Variants in CDK6 observed in about 807,000 individuals in gnomAD.
The protein encoded by CDK6 is cyclin dependent kinase 6.
Under a neutral mutation model 37.1 loss-of-function variants are expected in CDK6, and 6 were observed. The observed-to-expected ratio is 0.16, with a 90% CI of 0.09 to 0.32. CDK6 has a LOEUF of 0.32. CDK6 is among the 10% of genes least tolerant of loss of function. The pLI is 1.00. For synonymous variants in CDK6, 160 were observed against 161.3 expected (o/e 0.99, Z 0.06); for missense variants, 224 against 418.9 (o/e 0.53, Z 4.06).
rs1434250686 is a variant in CDK6, at chr7:92,834,891, G to A, written c.-367-1201C>T. 4 of 152,246 alleles carry A rather than the reference G, an allele frequency of 2.6e-5. No individual in the cohort carries two copies. Among genetic ancestry groups the A allele is most frequent in the African/African-American group, 9.7e-5 (4 of 41,416 alleles). The allele number at this position is 152,246 out of a possible 1,614,324, so 9.4% of individuals were successfully genotyped here. ...CTGCACAACAAAGCGCCAGAGTAGG[G>A]TACCCTAACTTTCCCTCCCCATTCA... On this transcript the variant is annotated intron_variant, in intron 1 of 7. Transcript: ENST00000424848. This position sits in a 1 kb window ranked among gnomAD's most constrained non-coding sequence, Gnocchi z 4.6.
intron 4 of CDK6, among the ~76,000 whole-genome samples, chr7:92,690,112 A>G (rs1213599612): frequency 6.6e-6 from 1 of 152,086 alleles, no homozygotes; most frequent in African/African-American, 2.4e-5. Context: ...TGCTGTGCAG[A>G]AGCTCTTTAG....
At chr7:92,813,597 A>C (rs1800944974) in intron 2 of CDK6, among the ~76,000 whole-genome samples, 1 of 152,232 alleles carries the variant, frequency 6.6e-6, no homozygotes, top group Admixed American at 6.5e-5. Flanking sequence ...TAGCGATAGA[A>C]TTGTGTCCTT....
intron 4 of CDK6, among the ~76,000 whole-genome samples, chr7:92,696,831 T>C (rs1317857520): frequency 6.6e-6 from 1 of 152,188 alleles, no homozygotes. Context: ...ACATTTCCTG[T>C]CTTCAAGAGG....
intron 4 of CDK6, among the ~76,000 whole-genome samples, chr7:92,722,956 G>A (rs113259143): frequency 0.029 from 4,465 of 152,230 alleles, 198 homozygotes; most frequent in African/African-American, 0.099. Context: ...AGGCTGAGGA[G>A]GACGGATTAC....
intron 3 of CDK6, among the ~76,000 whole-genome samples, chr7:92,758,431 G>A (rs1799369281): frequency 6.6e-6 from 1 of 152,066 alleles, no homozygotes; most frequent in Non-Finnish European, 1.5e-5. Context: ...TTGTGGAAGG[G>A]CAGATGGTCA....
intron 3 of CDK6, among the ~76,000 whole-genome samples, chr7:92,738,022 G>T (rs978595597): frequency 6.6e-6 from 1 of 152,114 alleles, no homozygotes; most frequent in Non-Finnish European, 1.5e-5. Flanking sequence ...CTGCTTATGG[G>T]GACTCCATAG....
chr7:92,648,451 G>C (rs1387378983), intron 5 of CDK6, among the ~76,000 whole-genome samples: 2 of 152,200 alleles, frequency 1.3e-5, no homozygotes, highest in Non-Finnish European at 2.9e-5. Context: ...ATCAACAAAA[G>C]TAAACTTGGT....
chr7:92,649,407 G>A (rs1796523338), intron 5 of CDK6, among the ~76,000 whole-genome samples: 1 of 152,198 alleles, frequency 6.6e-6, no homozygotes, highest in Non-Finnish European at 1.5e-5. Context: ...GTGACTGGAT[G>A]TCCTGGTTTG....
At chr7:92,798,923 C>T (rs1800490670) in intron 2 of CDK6, among the ~76,000 whole-genome samples, 1 of 152,210 alleles carries the variant, frequency 6.6e-6, no homozygotes, top group Non-Finnish European at 1.5e-5. Context: ...AAGTGTCCTC[C>T]TCTTCAAGAC....
intron 4 of CDK6, among the ~76,000 whole-genome samples, chr7:92,684,008 G>T (rs1797393769): frequency 6.6e-6 from 1 of 152,202 alleles, no homozygotes; most frequent in Non-Finnish European, 1.5e-5. Flanking sequence ...GTGTAAATAA[G>T]TAGGGGGCTA....
At chr7:92,731,008 G>A (rs963010147) in intron 3 of CDK6, among the ~76,000 whole-genome samples, 1 of 152,144 alleles carries the variant, frequency 6.6e-6, no homozygotes, top group South Asian at 2.1e-4. Flanking sequence ...TAACAGCATC[G>A]TGTTAAGGTC....
intron 4 of CDK6, among the ~76,000 whole-genome samples, chr7:92,692,003 C>T (rs1041462956): frequency 1.3e-5 from 2 of 152,198 alleles, no homozygotes; most frequent in Admixed American, 6.5e-5. Flanking sequence ...CGCGGTGGCT[C>T]ACGCTGGTAA....
chr7:92,650,194 T>G (rs1009237690), intron 5 of CDK6, among the ~76,000 whole-genome samples: 1 of 152,200 alleles, frequency 6.6e-6, no homozygotes, highest in Non-Finnish European at 1.5e-5. Flanking sequence ...AATATTTTTC[T>G]TACCAAAAAT....
intron 4 of CDK6, among the ~76,000 whole-genome samples, chr7:92,677,720 A>C (rs1167537092): frequency 1.3e-5 from 2 of 152,236 alleles, no homozygotes; most frequent in Non-Finnish European, 1.5e-5. Context: ...GAGCATCCCC[A>C]GTTTTAATTT....
At chr7:92,736,050 A>G (rs954866371) in intron 3 of CDK6, among the ~76,000 whole-genome samples, 1 of 152,202 alleles carries the variant, frequency 6.6e-6, no homozygotes, top group Non-Finnish European at 1.5e-5. Flanking sequence ...CTTTGGATCC[A>G]AATTTGTACT....
At chr7:92,769,939 T>C (rs751360533) in intron 3 of CDK6, among the ~76,000 whole-genome samples, 4 of 152,148 alleles carry the variant, frequency 2.6e-5, no homozygotes, top group Non-Finnish European at 5.9e-5. Flanking sequence ...ATTTATCACG[T>C]ACTCTAAAAG....
At chr7:92,622,007 G>GC (rs1043938752) in intron 6 of CDK6, among the ~76,000 whole-genome samples, 3 of 139,198 alleles carry the variant, frequency 2.2e-5, no homozygotes, top group Non-Finnish European at 4.7e-5. Context: ...TTTAGGGGTG[G>GC]TTTTTTTTTT....
chr7:92,746,635 A>T (rs965769992), intron 3 of CDK6, among the ~76,000 whole-genome samples: 4 of 152,174 alleles, frequency 2.6e-5, no homozygotes, highest in Non-Finnish European at 5.9e-5. Context: ...TCCAAAACAC[A>T]GTTCTGGTCC....
intron 3 of CDK6, among the ~76,000 whole-genome samples, chr7:92,738,176 G>A (rs1179608668): frequency 1.3e-5 from 2 of 152,162 alleles, no homozygotes; most frequent in East Asian, 1.9e-4. Context: ...CAATCTGCTG[G>A]AGGAAGAGGA....
Sources: allele counts gnomAD v4.1 joint callset (sites outside exome capture counted in the v4.1 genomes callset), GRCh38; gene constraint gnomAD v4.1.1; non-coding constraint Gnocchi (gnomAD v3.1); transcripts MANE v1.5; gene names NCBI Gene and HGNC (gene_info 2026-07-23, HGNC 2026-07-21).